The following SOX6 variants were observed in gnomAD, a reference collection of about 807,000 sequenced individuals.
The protein encoded by SOX6 is SRY-box transcription factor 6.
A neutral mutation model predicts 97.8 loss-of-function variants in SOX6; 11 were observed. The observed-to-expected ratio is 0.11, with a 90% CI of 0.07 to 0.19. The LOEUF is 0.19. SOX6 is among the 10% of genes least tolerant of loss of function. The pLI, the probability that SOX6 is intolerant of heterozygous loss-of-function variation, is 1.00. For missense variants in SOX6, 810 were observed against 1,039.5 expected (o/e 0.78, Z 3.04); for synonymous variants, 360 against 371.4 (o/e 0.97, Z 0.35).
At chr11:16,562,587 C>T (rs545463150) in intron 4 of SOX6, among the ~76,000 whole-genome samples, 19 of 152,206 alleles carry the variant, frequency 1.2e-4, no homozygotes, top group East Asian at 1.2e-3. Context: ...CACTCTCTCA[C>T]GGCTTTAATG....
chr11:16,593,887 G>T (rs1368770654), intron 4 of SOX6, among the ~76,000 whole-genome samples: 1 of 152,048 alleles, frequency 6.6e-6, no homozygotes, highest in African/African-American at 2.4e-5. Flanking sequence ...AAACAGTATT[G>T]TTTTATACAA....
intron 6 of SOX6, among the ~76,000 whole-genome samples, chr11:16,156,271 T>C (rs572656140): frequency 3.9e-5 from 6 of 152,148 alleles, no homozygotes; most frequent in Non-Finnish European, 7.4e-5. Flanking sequence ...GCTGAACATA[T>C]ATGGATCAGT....
intron 4 of SOX6, among the ~76,000 whole-genome samples, chr11:16,517,437 G>A (rs1403256703): frequency 6.6e-6 from 1 of 152,112 alleles, no homozygotes; most frequent in African/African-American, 2.4e-5. Context: ...ACCCCATTGT[G>A]TCAGAGTTGA....
At chr11:16,275,285 C>CA (rs869208945) in intron 3 of SOX6, among the ~76,000 whole-genome samples, 22,674 of 122,796 alleles carry the variant, frequency 0.18, 2,005 homozygotes, top group African/African-American at 0.23. Flanking sequence ...ACCAAAAATA[C>CA]AAAAAAAAAA....
At chr11:16,338,193 A>G (rs1254936112) in intron 2 of SOX6, among the ~76,000 whole-genome samples, 1 of 152,078 alleles carries the variant, frequency 6.6e-6, no homozygotes, top group African/African-American at 2.4e-5. Context: ...ATTTTTTCAC[A>G]ACTATTTTTT....
chr11:16,392,139 A>C (rs960492382), intron 1 of SOX6, among the ~76,000 whole-genome samples: 3 of 152,124 alleles, frequency 2.0e-5, no homozygotes, highest in Admixed American at 6.5e-5. Context: ...CCCTGACACG[A>C]AATAAAGCCG....
chr11:16,053,682 T>C (rs571671485), intron 10 of SOX6, among the ~76,000 whole-genome samples: 10 of 152,280 alleles, frequency 6.6e-5, no homozygotes, highest in South Asian at 6.2e-4. Context: ...ACAGTTATAG[T>C]AGACAAAAGT....
intron 3 of SOX6, among the ~76,000 whole-genome samples, chr11:16,639,266 T>G (rs1194481729): frequency 6.6e-6 from 1 of 152,194 alleles, no homozygotes; most frequent in African/African-American, 2.4e-5. Context: ...TCTGTTCCAT[T>G]GGTATATATC....
At chr11:16,395,485 T>TA (rs1368999026) in intron 1 of SOX6, among the ~76,000 whole-genome samples, 3 of 151,562 alleles carry the variant, frequency 2.0e-5, no homozygotes, top group Non-Finnish European at 4.4e-5. Flanking sequence ...TATCTTGGTG[T>TA]AAAAAAGAAT....
In SOX6 at chr11:16,132,497, A is replaced by AAGCAAGC. The variant is rs1259620154; in HGVS notation, c.778-20575_778-20574insGCTTGCT. ...GAAAGAAAGAAAGAAAGAAAGAAAG[A>AAGCAAGC]AAGAAAGAAAGCTTATCTTTGTATC... On this transcript the variant is annotated intron_variant, in intron 6 of 15. Coordinates refer to ENST00000683767, the MANE Select transcript of SOX6 (RefSeq NM_001367873.1). 2.4e-3 allele frequency among the ~76,000 whole-genome samples: 230 copies of AAGCAAGC among 97,420 alleles called. 9 individuals are homozygous for AAGCAAGC. Among genetic ancestry groups the AAGCAAGC allele is most frequent in the Middle Eastern group, 9.3e-3 (2 of 216 alleles). 63.9% of individuals were successfully genotyped at this position (97,420 alleles called of 152,430 possible). A position where few individuals can be genotyped will look rare whatever the true frequency, so the allele number is the denominator to read the frequency against.
intron 3 of SOX6, among the ~76,000 whole-genome samples, chr11:16,694,206 T>A (rs1002584836): frequency 1.3e-5 from 2 of 152,186 alleles, no homozygotes; most frequent in African/African-American, 4.8e-5. Flanking sequence ...GTAGGAGAAA[T>A]AAAATGCATG....
intron 6 of SOX6, among the ~76,000 whole-genome samples, chr11:16,155,389 G>A (rs190489219): frequency 1.3e-5 from 2 of 152,230 alleles, no homozygotes; most frequent in Non-Finnish European, 2.9e-5. Context: ...CTACCTCAAT[G>A]GGCTATTGTA....
intron 4 of SOX6, among the ~76,000 whole-genome samples, chr11:16,588,138 T>C (rs1436305116): frequency 6.6e-6 from 1 of 152,194 alleles, no homozygotes. Context: ...ATTCATATAT[T>C]AAATTAAATT....
chr11:16,394,570 T>C (rs1221045156), intron 1 of SOX6, among the ~76,000 whole-genome samples: 2 of 152,056 alleles, frequency 1.3e-5, no homozygotes, highest in East Asian at 3.9e-4. Context: ...TGACTTCATT[T>C]TCTTTTTCAT....
chr11:16,737,907 A>T lies in SOX6; in HGVS notation n.219+518T>A, dbSNP rs950383732. ...TTTAACCTCAATAATTACTTTTTTT[A>T]AAAAAGAAAAAAAATAGAGGCTTTT... is the stretch of plus-strand genomic sequence containing the variant. On this transcript the variant is annotated intron_variant and non_coding_transcript_variant, in intron 1 of 5. Coordinates refer to the SOX6 transcript ENST00000524520. Among the ~76,000 whole-genome samples, 7 of 152,054 alleles carry T rather than the reference A, an allele frequency of 4.6e-5. No homozygotes were observed. In the East Asian group the frequency reaches 9.7e-4, roughly 21 times the overall value.
chr11:16,705,029 G>A (rs551441508), intron 3 of SOX6, among the ~76,000 whole-genome samples: 241 of 152,184 alleles, frequency 1.6e-3, no homozygotes, highest in Non-Finnish European at 2.6e-3. Flanking sequence ...AGGCTGAGGC[G>A]GGTGGATCAC....
chr11:16,182,914 TA>T (rs963286689), intron 6 of SOX6, among the ~76,000 whole-genome samples: 22 of 151,864 alleles, frequency 1.4e-4, no homozygotes, highest in African/African-American at 5.1e-4. Flanking sequence ...ATTTTTTTTT[TA>T]AAATACAGAA....
intron 1 of SOX6, among the ~76,000 whole-genome samples, chr11:16,368,417 G>A (rs905849698): frequency 6.6e-6 from 1 of 152,128 alleles, no homozygotes; most frequent in African/African-American, 2.4e-5. Context: ...AGGAGGTCAA[G>A]GCTGCAGTGA....
chr11:15,985,970 T>C (rs756949971), intron 15 of SOX6, among the ~76,000 whole-genome samples: 5 of 152,140 alleles, frequency 3.3e-5, no homozygotes, highest in Non-Finnish European at 7.4e-5. Context: ...TGGGAGACAA[T>C]GACAGGGGTG....
Sources: gnomAD v4.1 joint callset for allele counts (sites outside exome capture counted in the v4.1 genomes callset) on GRCh38, gnomAD v4.1.1 for gene constraint, MANE v1.5 for transcripts, NCBI Gene and HGNC (gene_info 2026-07-23, HGNC 2026-07-21) for gene names.